DIP2A: variants seen among roughly 807,000 people sequenced by gnomAD.
The protein encoded by DIP2A is disco-interacting protein 2 homolog A.
DIP2A carries 85 observed loss-of-function variants against 177.4 expected under a neutral mutation model. The observed-to-expected ratio is 0.48, with a 90% CI of 0.40 to 0.57. The LOEUF is 0.57. Ranked by LOEUF, DIP2A falls within the 20% of genes least tolerant of loss-of-function variation. DIP2A has a pLI of 0.00. For synonymous variants in DIP2A, 886 were observed against 881.8 expected, an observed-to-expected ratio of 1.00 and a Z score of -0.08; for missense variants, 1,791 against 2,100.2, an observed-to-expected ratio of 0.85 and a Z score of 2.88.
chr21:46,567,691 C>T lies in DIP2A; in HGVS notation c.*69C>T. ...CAGTCCAAGGTGTGATGTGGGAAGA[C>T]ACCGCAGAGCTCACTCACCGGGACT... On this transcript the variant is annotated 3_prime_UTR_variant, in exon 38 of 38. Transcript: ENST00000417564. 6.6e-7 allele frequency: 1 copy of T among 1,514,758 alleles called. No homozygotes were observed. Among genetic ancestry groups the T allele is most frequent in the Non-Finnish European group, 8.8e-7 (1 of 1,131,558 alleles). The allele number at this position is 1,514,758 out of a possible 1,614,324, so 93.8% of individuals were successfully genotyped here. A position where few individuals can be genotyped will look rare whatever the true frequency, so the allele number is the denominator to read the frequency against.
chr21:46,549,600 C>T (rs1569091328), intron 21 of DIP2A, among the ~76,000 whole-genome samples, 171 bp from the exon 22 acceptor site: 2 of 152,188 alleles, frequency 1.3e-5, no homozygotes, highest in Non-Finnish European at 2.9e-5. Context: ...CAACCATCCT[C>T]GAGGAGATTA....
intron 1 of DIP2A, among the ~76,000 whole-genome samples, chr21:46,476,904 G>T (rs1223209119): frequency 2.6e-5 from 4 of 152,128 alleles, no homozygotes; most frequent in East Asian, 1.9e-4. Flanking sequence ...TGATCTGCCT[G>T]CCTTGGCCTT....
chr21:46,529,207 G>T, intron 9 of DIP2A, 24 bp downstream of exon 9: 2 of 1,369,992 alleles, frequency 1.5e-6, no homozygotes, highest in South Asian at 1.3e-5. Flanking sequence ...ATGTCACTTT[G>T]TTGGAAGGAG....
intron 2 of DIP2A, among the ~76,000 whole-genome samples, chr21:46,486,970 C>G (rs1413296520): frequency 2.6e-5 from 4 of 152,066 alleles, no homozygotes; most frequent in African/African-American, 4.8e-5. Flanking sequence ...AGGCATATAG[C>G]CAATACAAGC....
In DIP2A at chr21:46,557,580, C is replaced by G; in HGVS notation, c.3630-5C>G. The G allele has an allele frequency of 6.2e-7, 1 of 1,605,180 alleles. No individual in the cohort carries two copies. Among genetic ancestry groups the G allele is most frequent in the Non-Finnish European group, 8.5e-7 (1 of 1,173,688 alleles). The stretch of plus-strand genomic sequence containing the variant: ...GCGGAGCCTCACGAGCCTTCCCTCT[C>G]GCAGTGTCTACTCGGGACACCAATC... On this transcript the variant is annotated splice_polypyrimidine_tract_variant and splice_region_variant and intron_variant, in intron 30 of 37. Transcript: ENST00000417564. The surrounding 1 kb of genome is among the most constrained non-coding windows in gnomAD (Gnocchi z 6.0).
Position 46,556,717 on chromosome 21 carries a change from A to C in DIP2A, c.3499-222A>C. 1.9e-6 allele frequency: 1 copy of C among 529,866 alleles called. No homozygotes were observed. The highest frequency in any genetic ancestry group is 3.1e-5 in the East Asian group (1 of 32,470). 32.8% of individuals were successfully genotyped at this position (529,866 alleles called of 1,614,324 possible). On this transcript the variant is annotated intron_variant, in intron 29 of 37. Coordinates refer to ENST00000417564, the MANE Select transcript of DIP2A (RefSeq NM_015151.4). The surrounding 1 kb of genome is among the most constrained non-coding windows in gnomAD (Gnocchi z 4.5). ...AAAAAGAAAAAAATTTTAAAAATTC[A>C]TTACCCTGAAATTTTGTTTCAAAGA...
chr21:46,469,634 A>G (rs1384069889), intron 1 of DIP2A, among the ~76,000 whole-genome samples: 1 of 152,190 alleles, frequency 6.6e-6, no homozygotes, highest in African/African-American at 2.4e-5. Context: ...TATGCTTCCT[A>G]TAGCAGGAAT....
intron 9 of DIP2A, among the ~76,000 whole-genome samples, chr21:46,531,667 G>A (rs999726791): frequency 1.3e-5 from 2 of 152,218 alleles, no homozygotes; most frequent in African/African-American, 4.8e-5. Context: ...GGCAAATTCT[G>A]CCTCCTATAA....
intron 8 of DIP2A, among the ~76,000 whole-genome samples, chr21:46,512,829 A>G (rs1042585998): frequency 4.9e-5 from 2 of 40,926 alleles, no homozygotes; most frequent in African/African-American, 3.5e-4. Flanking sequence ...AACAAAAAAA[A>G]CTTTTTTTTT....
intron 2 of DIP2A, among the ~76,000 whole-genome samples, chr21:46,489,276 C>T (rs1190811974): frequency 1.3e-5 from 2 of 152,266 alleles, no homozygotes; most frequent in African/African-American, 4.8e-5. Flanking sequence ...ATCTGTTCTG[C>T]TCATAAATGT....
At position 46,549,894 on chromosome 21, in the gene DIP2A, C is replaced by T. The variant is rs373255213; in HGVS notation, c.2637+9C>T. 6.3e-5 allele frequency: 102 copies of T among 1,609,016 alleles called. No individual in the cohort carries two copies. Among genetic ancestry groups the T allele is most frequent in the Admixed American group, 1.2e-4 (7 of 59,990 alleles). ...TGAGCCGTGTGCTGCAGGTGGGCGC[C>T]CCGGCACGGCCTATGGTTCGGTGAA... is the stretch of plus-strand genomic sequence containing the variant. On this transcript the variant is annotated intron_variant, in intron 22 of 37. Transcript: ENST00000417564.
At chr21:46,489,121 GGA>G (rs1471510910) in intron 2 of DIP2A, among the ~76,000 whole-genome samples, 2 of 152,090 alleles carry the variant, frequency 1.3e-5, no homozygotes, top group African/African-American at 2.4e-5. Flanking sequence ...GTGTGTGTGT[GGA>G]TGTGTGTGTG....
intron 32 of DIP2A, chr21:46,558,696 T>C (rs535073163): frequency 5.4e-5 from 21 of 391,922 alleles, no homozygotes; most frequent in African/African-American, 3.9e-4. Flanking sequence ...AGATTGAACT[T>C]ACTGTTTTAA....
At chr21:46,467,116 G>A (rs1457615443) in intron 1 of DIP2A, among the ~76,000 whole-genome samples, 4 of 151,830 alleles carry the variant, frequency 2.6e-5, no homozygotes, top group South Asian at 2.1e-4. Context: ...CTAACACAGC[G>A]AAATCCTGTC....
chr21:46,556,765 G>T lies in DIP2A; in HGVS notation c.3499-174G>T. ...AGATTTTTAGTGTACCATTTCTTGG[G>T]TATTATTTAGGTTATATGGGGATTT... On this transcript the variant is annotated intron_variant, in intron 29 of 37. Transcript: ENST00000417564. This position sits in a 1 kb window ranked among gnomAD's most constrained non-coding sequence, Gnocchi z 4.5. 1 of 569,310 alleles carries T rather than the reference G, an allele frequency of 1.8e-6. No individual in the cohort carries two copies. The highest frequency in any genetic ancestry group is 3.0e-6 in the Non-Finnish European group (1 of 334,216). The allele number at this position is 569,310 out of a possible 1,614,324, so 35.3% of individuals were successfully genotyped here.
chr21:46,564,057 C>A, intron 35 of DIP2A, 125 bp downstream of exon 35: 2 of 1,147,708 alleles, frequency 1.7e-6, no homozygotes, highest in South Asian at 1.5e-5. Context: ...AACCATTTGG[C>A]CCTTGCCCCG....
intron 8 of DIP2A, among the ~76,000 whole-genome samples, chr21:46,512,087 A>G (rs1017452982): frequency 6.6e-6 from 1 of 152,148 alleles, no homozygotes; most frequent in East Asian, 1.9e-4. Context: ...CGCAAAGGGT[A>G]ACTACTGTCC....
intron 3 of DIP2A, among the ~76,000 whole-genome samples, chr21:46,492,439 G>A (rs1292390874): frequency 6.6e-6 from 1 of 152,142 alleles, no homozygotes; most frequent in African/African-American, 2.4e-5. Context: ...CTTCAACTTT[G>A]TTTCTTATCT....
Position 46,556,190 on chromosome 21 carries a change from A to C in DIP2A, c.3498+99A>C. ...AGATTTAAACTGACAGGTCCTTCTT[A>C]TGCAAAGCACAAAGCAACAATTTTG... On this transcript the variant is annotated intron_variant, in intron 29 of 37. Transcript: ENST00000417564. The surrounding 1 kb of genome is among the most constrained non-coding windows in gnomAD (Gnocchi z 4.5). The C allele has an allele frequency of 7.1e-7, 1 of 1,404,740 alleles. No homozygotes were observed. Among genetic ancestry groups the C allele is most frequent in the East Asian group, 2.3e-5 (1 of 43,682 alleles). The allele number at this position is 1,404,740 out of a possible 1,614,324, so 87.0% of individuals were successfully genotyped here. A position where few individuals can be genotyped will look rare whatever the true frequency, so the allele number is the denominator to read the frequency against.
Sources: allele counts gnomAD v4.1 joint callset (sites outside exome capture counted in the v4.1 genomes callset), GRCh38; gene constraint gnomAD v4.1.1; non-coding constraint Gnocchi (gnomAD v3.1); transcripts MANE v1.5; gene names NCBI Gene and HGNC (gene_info 2026-07-23, HGNC 2026-07-21).